The following SLC15A3 variants were observed in gnomAD, a reference collection of about 807,000 sequenced individuals.
SLC15A3 encodes the protein solute carrier family 15 member 3, also known as osteoclast transporter.
In SLC15A3, 39 loss-of-function variants were observed where a neutral mutation model predicts 49.2. The observed-to-expected ratio is 0.79, with a 90% CI of 0.61 to 1.04. The LOEUF is 1.04. Ranked by LOEUF, SLC15A3 falls within the 50% of genes least tolerant of loss-of-function variation. SLC15A3 has a pLI of 0.00. For missense variants in SLC15A3, 758 were observed against 794.8 expected, an observed-to-expected ratio of 0.95 and a Z score of 0.56; for synonymous variants, 339 against 367.0, an observed-to-expected ratio of 0.92 and a Z score of 0.87.
In SLC15A3 at chr11:60,937,970, G is replaced by T. The variant is rs1224769609; in HGVS notation, c.1491C>A (p.Gly497=). The T allele has an allele frequency of 6.2e-7, 1 of 1,614,164 alleles. No individual in the cohort carries two copies. ...APRSMQGAIM[G]IFFCLSGVGS... ...CCACCCCCGACAGGCAGAAGAAGATGCCCATGATGGCGCCCTGCATGGAGC... is the reference window on the plus strand; with the variant it reads ...CCACCCCCGACAGGCAGAAGAAGATTCCCATGATGGCGCCCTGCATGGAGC... The change falls in exon 7 of 8, where the codon GGC becomes GGA. Residue 497 remains glycine, a synonymous_variant. Coordinates refer to ENST00000227880, the MANE Select transcript of SLC15A3 (RefSeq NM_016582.3).
In SLC15A3 at chr11:60,939,470, T is replaced by C. The variant is rs1856678903; in HGVS notation, c.1435+10A>G. The C allele has an allele frequency of 6.2e-7, 1 of 1,613,564 alleles. No homozygotes were observed. Among genetic ancestry groups the C allele is most frequent in the Non-Finnish European group, 8.5e-7 (1 of 1,179,674 alleles). ...ACTGGTGCAGGAGCAGGGGAGGGGA[T>C]CCAGGGTACCTGGGATGCTGGCAAA... On this transcript the variant is annotated intron_variant, in intron 6 of 7. Coordinates refer to ENST00000227880, the MANE Select transcript of SLC15A3 (RefSeq NM_016582.3).
In SLC15A3 at chr11:60,946,322, C is replaced by A. The variant is rs1373124648; in HGVS notation, c.848+210G>T. Reference sequence around the variant, plus strand: ...CCTCACACATTCTGTACGTAGATGGCAACCAATAATACCACCACCACTACC... The same window carrying A: ...CCTCACACATTCTGTACGTAGATGGAAACCAATAATACCACCACCACTACC... On this transcript the variant is annotated intron_variant, in intron 2 of 7. Coordinates refer to ENST00000227880, the MANE Select transcript of SLC15A3 (RefSeq NM_016582.3). 3.0e-4 allele frequency among the ~76,000 whole-genome samples: 44 copies of A among 146,800 alleles called. No homozygotes were observed. In the Admixed American group the frequency reaches 3.1e-3, roughly 10 times the overall value.
chr11:60,950,093 C>T (rs1856887441), intron 1 of SLC15A3, among the ~76,000 whole-genome samples: 1 of 152,208 alleles, frequency 6.6e-6, no homozygotes, highest in Non-Finnish European at 1.5e-5. Flanking sequence ...CGGAGAAAGG[C>T]TCAGAGGTTG....
In SLC15A3 at chr11:60,937,173, C is replaced by A; in HGVS notation, c.*46G>T. 1 of 1,578,070 alleles carries A rather than the reference C, an allele frequency of 6.3e-7. No homozygotes were observed. The highest frequency in any genetic ancestry group is 8.6e-7 in the Non-Finnish European group (1 of 1,159,256). ...AAGGAAACCAGAGCTGGGACTGCTG[C>A]CGTCTGTCCGGTAGAGTGAAGCAAG... On this transcript the variant is annotated 3_prime_UTR_variant, in exon 8 of 8. Coordinates refer to ENST00000227880, the MANE Select transcript of SLC15A3 (RefSeq NM_016582.3).
chr11:60,946,930 C>A, intron 1 of SLC15A3, 109 bp from the exon 2 acceptor site: 1 of 1,192,128 alleles, frequency 8.4e-7, no homozygotes, highest in Non-Finnish European at 1.2e-6. Context: ...GGGTGGTGGG[C>A]GTTCCGACAC....
intron 1 of SLC15A3, among the ~76,000 whole-genome samples, chr11:60,949,503 G>GAAA (rs1856864285): frequency 1.5e-5 from 1 of 64,722 alleles, no homozygotes; most frequent in Non-Finnish European, 3.3e-5. Flanking sequence ...AAAGAAAGAA[G>GAAA]GAAAGAAAGA....
intron 5 of SLC15A3, 68 bp from the exon 6 acceptor site, chr11:60,939,706 G>A: frequency 6.4e-7 from 1 of 1,557,158 alleles, no homozygotes; most frequent in Non-Finnish European, 8.7e-7. Context: ...AGAAGAGCTT[G>A]TACATGGTGG....
At chr11:60,946,475 AGCGATCCAGC>A in intron 2 of SLC15A3, 47 bp downstream of exon 2, 2 of 1,503,456 alleles carry the variant, frequency 1.3e-6, no homozygotes, top group Non-Finnish European at 1.8e-6. Context: ...CCTCCCCGGG[AGCGATCCAGC>A]GCTTCTCCAG....
rs367882663 is a variant in SLC15A3 at position 60,946,764 on chromosome 11, T to C, written c.616A>G (p.Ile206Val). Residue 206 changes from isoleucine to valine, a missense_variant, in exon 2 of 8, where the codon ATC (isoleucine) becomes GTC (valine). By Grantham distance (29) the Ile-to-Val change is conservative. This residue lies in a region of SLC15A3 where 699 missense variants were observed against 706.7 expected (regional missense o/e 0.99). Transcript: ENST00000227880. ...AGCGACAGCACAGCACCCAGGTTGA[T>C]GCTCCAGTAAAACCAGTTGAAGAAG... ...RRFFNWFYWS[I>V]NLGAVLSLLV... The C allele has an allele frequency of 8.4e-5, 136 of 1,614,034 alleles. No individual in the cohort carries two copies. Among genetic ancestry groups the C allele is most frequent in the Non-Finnish European group, 1.1e-4 (131 of 1,180,036 alleles).
chr11:60,951,737 C>T lies in SLC15A3; in HGVS notation c.-186G>A. On this transcript the variant is annotated 5_prime_UTR_variant, in exon 1 of 8. Coordinates refer to ENST00000227880, the MANE Select transcript of SLC15A3 (RefSeq NM_016582.3). ...CTTTCTTGCCCTACCCTTCCTGTCC[C>T]TCCGCTCACTACCCGGACTCTACCA... The T allele has an allele frequency of 7.4e-6, 2 of 269,518 alleles. No individual in the cohort carries two copies. Among genetic ancestry groups the T allele is most frequent in the Non-Finnish European group, 6.2e-6 (1 of 162,204 alleles). 16.7% of individuals were successfully genotyped at this position (269,518 alleles called of 1,614,324 possible).
At chr11:60,943,356 C>G (rs573878186) in intron 3 of SLC15A3, 1 of 175,928 alleles carries the variant, frequency 5.7e-6, no homozygotes, top group Non-Finnish European at 1.2e-5. Flanking sequence ...TTTAAGCCAC[C>G]CATTGTACAC....
chr11:60,940,895 A>C, intron 5 of SLC15A3: 2 of 412,088 alleles, frequency 4.9e-6, no homozygotes, highest in Non-Finnish European at 8.5e-6. Flanking sequence ...TCACTGGGGG[A>C]AAATATTTGT....
At chr11:60,942,194 C>T (rs1210599327) in intron 3 of SLC15A3, 49 bp from the exon 4 acceptor site, 1 of 1,500,724 alleles carries the variant, frequency 6.7e-7, no homozygotes, top group Non-Finnish European at 9.3e-7. Context: ...GCCATGCCCC[C>T]TCCCAACTCC....
rs1158947276 is a variant in SLC15A3, at chr11:60,951,195, G to T, written c.357C>A (p.Pro119=). The T allele has an allele frequency of 6.7e-7, 1 of 1,499,182 alleles. No homozygotes were observed. Among genetic ancestry groups the T allele is most frequent in the Non-Finnish European group, 8.8e-7 (1 of 1,131,456 alleles). The allele number at this position is 1,499,182 out of a possible 1,614,324, so 92.9% of individuals were successfully genotyped here. A position where few individuals can be genotyped will look rare whatever the true frequency, so the allele number is the denominator to read the frequency against. The change falls in exon 1 of 8, where the codon CCC becomes CCA. Residue 119 remains proline (P), a synonymous_variant. Transcript: ENST00000227880. The stretch of plus-strand genomic sequence containing the variant: ...TGCGGCCGTCGGGGAAGGCGGTGGC[G>T]GGCAGCAGGCCCGAGGCGGCCAGGT... ...LLYLAASGLL[P]ATAFPDGRSS... is the part of the protein sequence containing the mutation.
intron 3 of SLC15A3, 127 bp from the exon 4 acceptor site, chr11:60,942,272 A>G: frequency 1.4e-6 from 1 of 735,718 alleles, no homozygotes; most frequent in Non-Finnish European, 2.3e-6. Flanking sequence ...AGTCTCAGGG[A>G]GATAGTCACC....
chr11:60,943,719 G>A lies in SLC15A3; in HGVS notation c.966C>T (p.Thr322=). ...VLVKILPVMV[T]LVPYWMVYFQ... ...AGTAGACCATCCAGTAGGGCACCAG[G>A]GTCACCATGACGGGCAAGATCTTCA... is the stretch of plus-strand genomic sequence containing the variant. Residue 322 remains threonine (T), a synonymous_variant, in exon 3 of 8, where the codon ACC becomes ACT. Transcript: ENST00000227880. 2 of 1,599,464 alleles carry A rather than the reference G, an allele frequency of 1.3e-6. No homozygotes were observed. Among genetic ancestry groups the A allele is most frequent in the Non-Finnish European group, 1.7e-6 (2 of 1,171,970 alleles).
intron 1 of SLC15A3, among the ~76,000 whole-genome samples, chr11:60,948,389 T>C (rs995238251): frequency 6.6e-6 from 1 of 152,220 alleles, no homozygotes; most frequent in Non-Finnish European, 1.5e-5. Context: ...ATTCAGGATA[T>C]AAATGAGTTC....
At chr11:60,949,850 C>T (rs1322223261) in intron 1 of SLC15A3, among the ~76,000 whole-genome samples, 2 of 152,256 alleles carry the variant, frequency 1.3e-5, no homozygotes, top group Non-Finnish European at 2.9e-5. Flanking sequence ...TTCGTTGACA[C>T]CTCGTCTTTC....
intron 2 of SLC15A3, among the ~76,000 whole-genome samples, chr11:60,946,005 C>CT (rs1156247208): frequency 3.3e-5 from 5 of 151,870 alleles, no homozygotes; most frequent in African/African-American, 1.2e-4. Context: ...TTTCATTTTT[C>CT]TTTTTTTATT....
Sources: gnomAD v4.1 joint callset for allele counts (sites outside exome capture counted in the v4.1 genomes callset) on GRCh38, gnomAD v4.1.1 for gene constraint, gnomAD v4.1.1 regional missense constraint, MANE v1.5 for transcripts, NCBI Gene and HGNC (gene_info 2026-07-23, HGNC 2026-07-21) for gene names.